The following GRM8 variants were observed in gnomAD, a reference collection of about 807,000 sequenced individuals.
GRM8 encodes the protein glutamate metabotropic receptor 8, also known as metabotropic glutamate receptor 8.
A neutral mutation model predicts 87.2 loss-of-function variants in GRM8; 47 were observed. That is an observed-to-expected ratio of 0.54 (90% CI 0.43 to 0.69). GRM8 has a LOEUF of 0.69. GRM8 is among the 30% of genes least tolerant of loss of function. GRM8 has a pLI of 0.00. For missense variants in GRM8, 1,019 were observed against 1,139.2 expected, an observed-to-expected ratio of 0.89 and a Z score of 1.52; for synonymous variants, 396 against 404.5, an observed-to-expected ratio of 0.98 and a Z score of 0.25.
At chr7:127,196,602 T>C (rs1563572135) in intron 2 of GRM8, among the ~76,000 whole-genome samples, 1 of 152,046 alleles carries the variant, frequency 6.6e-6, no homozygotes. Flanking sequence ...TAACATATTA[T>C]TCTGCACATG....
At chr7:127,220,190 A>C (rs1020983255) in intron 2 of GRM8, among the ~76,000 whole-genome samples, 1 of 152,192 alleles carries the variant, frequency 6.6e-6, no homozygotes, top group Non-Finnish European at 1.5e-5. Context: ...GACATCGCTA[A>C]GGTCTTCCCA....
At chr7:126,957,266 A>G (rs936523887) in intron 3 of GRM8, among the ~76,000 whole-genome samples, 4 of 152,188 alleles carry the variant, frequency 2.6e-5, no homozygotes, top group Non-Finnish European at 4.4e-5. Context: ...AGTCTCTTCC[A>G]CTTTCCCCCA....
intron 3 of GRM8, among the ~76,000 whole-genome samples, chr7:126,932,299 C>G (rs1159701979): frequency 6.6e-6 from 1 of 151,938 alleles, no homozygotes; most frequent in African/African-American, 2.4e-5. Context: ...TCCTCAATGC[C>G]AAAAGTAAGG....
chr7:126,823,045 A>G (rs1320907592), intron 6 of GRM8, among the ~76,000 whole-genome samples: 1 of 152,212 alleles, frequency 6.6e-6, no homozygotes, highest in Non-Finnish European at 1.5e-5. Context: ...ATTTTATGCC[A>G]CCAAACCTAC....
intron 5 of GRM8, among the ~76,000 whole-genome samples, chr7:126,903,663 A>ATG (rs1802353276): frequency 3.0e-5 from 4 of 132,904 alleles, no homozygotes; most frequent in African/African-American, 5.4e-5. Context: ...GTGTATATAT[A>ATG]TATGTATATG....
At chr7:127,030,116 C>A (rs777387739) in intron 3 of GRM8, among the ~76,000 whole-genome samples, 1 of 151,968 alleles carries the variant, frequency 6.6e-6, no homozygotes, top group Non-Finnish European at 1.5e-5. Context: ...CAGGGGGTGG[C>A]GATGATTCTT....
rs762754687 is a variant in GRM8, at chr7:126,801,584, ATTTTC to A, written c.1157-31524_1157-31520del. Among the ~76,000 whole-genome samples, 341 of 73,170 alleles carry A rather than the reference ATTTTC, an allele frequency of 4.7e-3. 1 individual carries two copies. Among genetic ancestry groups the A allele is most frequent in the Non-Finnish European group, 0.01 (239 of 22,916 alleles). The allele number at this position is 73,170 out of a possible 152,430, so 48.0% of individuals were successfully genotyped here. A position where few individuals can be genotyped will look rare whatever the true frequency, so the allele number is the denominator to read the frequency against. ...GTATTTAATAGCTTATTAATTAAAT[ATTTTC>A]TTTTCTGTATTATATAATTTTCTAT... On this transcript the variant is annotated intron_variant, in intron 6 of 10. Transcript: ENST00000339582.
chr7:126,636,598 T>C (rs1294646442), intron 7 of GRM8, among the ~76,000 whole-genome samples: 1 of 152,020 alleles, frequency 6.6e-6, no homozygotes, highest in East Asian at 1.9e-4. Context: ...ATACCAACGA[T>C]ACAAAAGAAG....
chr7:126,857,148 A>G (rs1797759875), intron 6 of GRM8, among the ~76,000 whole-genome samples: 1 of 152,234 alleles, frequency 6.6e-6, no homozygotes, highest in African/African-American at 2.4e-5. Flanking sequence ...TAGAAGGGAC[A>G]AGGGAGAGAT....
intron 7 of GRM8, among the ~76,000 whole-genome samples, chr7:126,673,997 A>G (rs1020386395): frequency 1.3e-5 from 2 of 152,202 alleles, no homozygotes; most frequent in African/African-American, 2.4e-5. Context: ...CCTCAATTCT[A>G]TTAACTGATT....
At chr7:127,107,618 GCTACATCA>G (rs1186270690) in intron 2 of GRM8, among the ~76,000 whole-genome samples, 3 of 152,162 alleles carry the variant, frequency 2.0e-5, no homozygotes, top group Non-Finnish European at 2.9e-5. Flanking sequence ...TTAACTTTAT[GCTACATCA>G]CATGTTGCAG....
intron 6 of GRM8, among the ~76,000 whole-genome samples, chr7:126,808,870 G>A (rs1793028388): frequency 6.6e-6 from 1 of 152,152 alleles, no homozygotes; most frequent in Non-Finnish European, 1.5e-5. Flanking sequence ...GCCTACCACA[G>A]ATAAAGCTCC....
chr7:127,173,137 T>C (rs1037852435), intron 2 of GRM8, among the ~76,000 whole-genome samples: 1 of 152,208 alleles, frequency 6.6e-6, no homozygotes, highest in Non-Finnish European at 1.5e-5. Context: ...GGTTGCCTTT[T>C]AATAGAAAAA....
chr7:126,666,577 G>C (rs1805792199), intron 7 of GRM8, among the ~76,000 whole-genome samples: 1 of 152,036 alleles, frequency 6.6e-6, no homozygotes, highest in African/African-American at 2.4e-5. Context: ...CGTCCAGCAT[G>C]TCACACCCAA....
At chr7:127,116,268 T>C (rs560008862) in intron 2 of GRM8, among the ~76,000 whole-genome samples, 1 of 152,242 alleles carries the variant, frequency 6.6e-6, no homozygotes, top group African/African-American at 2.4e-5. Flanking sequence ...TTCTAAAAAA[T>C]TATAATCAGT....
chr7:126,899,213 A>G (rs901349780), intron 6 of GRM8, among the ~76,000 whole-genome samples: 1 of 152,116 alleles, frequency 6.6e-6, no homozygotes, highest in African/African-American at 2.4e-5. Context: ...AAAGAGAATC[A>G]AACAATAACA....
chr7:126,778,394 T>G (rs998984858), intron 6 of GRM8, among the ~76,000 whole-genome samples: 1 of 152,122 alleles, frequency 6.6e-6, no homozygotes, highest in African/African-American at 2.4e-5. Flanking sequence ...AAAATTTCCA[T>G]GCAATGCCCT....
At chr7:126,566,479 C>T (rs1031443164) in intron 8 of GRM8, among the ~76,000 whole-genome samples, 6 of 152,090 alleles carry the variant, frequency 3.9e-5, no homozygotes, top group Non-Finnish European at 8.8e-5. Flanking sequence ...ATCAAAATCA[C>T]AATGAGGTAT....
chr7:126,743,798 GC>G, intron 7 of GRM8, among the ~76,000 whole-genome samples: 1 of 151,948 alleles, frequency 6.6e-6, no homozygotes, highest in Non-Finnish European at 1.5e-5. Context: ...TCCCTAGGGG[GC>G]CCCCAGACCC....
Sources: gnomAD v4.1 joint callset for allele counts (sites outside exome capture counted in the v4.1 genomes callset) on GRCh38, gnomAD v4.1.1 for gene constraint, MANE v1.5 for transcripts, NCBI Gene and HGNC (gene_info 2026-07-23, HGNC 2026-07-21) for gene names.